CRB1: variants seen among roughly 807,000 people sequenced by gnomAD.
The protein encoded by CRB1 is protein crumbs homolog 1.
CRB1 carries 83 observed loss-of-function variants against 120.0 expected under a neutral mutation model. The ratio of observed to expected loss-of-function variants is 0.69; its 90% CI spans 0.58 to 0.83. The LOEUF is 0.83. Ranked by LOEUF, CRB1 falls within the 40% of genes least tolerant of loss-of-function variation. CRB1 has a pLI of 0.00. For synonymous variants in CRB1, 625 were observed against 612.5 expected (o/e 1.02, Z -0.30); for missense variants, 1,699 against 1,687.6 (o/e 1.01, Z -0.12).
At chr1:197,342,911 T>C (rs1020828110) in intron 2 of CRB1, among the ~76,000 whole-genome samples, 1 of 152,234 alleles carries the variant, frequency 6.6e-6, no homozygotes, top group East Asian at 1.9e-4. Flanking sequence ...ATGACCTTAG[T>C]TATGCCAAGT....
chr1:197,358,948 A>C (rs1232332074), intron 5 of CRB1, among the ~76,000 whole-genome samples: 1 of 152,156 alleles, frequency 6.6e-6, no homozygotes, highest in Non-Finnish European at 1.5e-5. Context: ...GGGGATACGA[A>C]CCTAGATCTT....
intron 4 of CRB1, among the ~76,000 whole-genome samples, chr1:197,355,754 C>G (rs972025038): frequency 3.9e-5 from 6 of 152,152 alleles, no homozygotes; most frequent in Non-Finnish European, 8.8e-5. Flanking sequence ...CGTGCAGCCT[C>G]GGTTCCCACA....
chr1:197,452,589 T>A (rs1571594064), intron 11 of CRB1, among the ~76,000 whole-genome samples: 1 of 152,118 alleles, frequency 6.6e-6, no homozygotes, highest in Non-Finnish European at 1.5e-5. Flanking sequence ...ATAATGCCCA[T>A]CTTATAGACG....
At chr1:197,226,791 A>T in the CRB1 span, among the ~76,000 whole-genome samples, 1 of 152,230 alleles carries the variant, frequency 6.6e-6, no homozygotes, top group Non-Finnish European at 1.5e-5. Context: ...AATTGGACTT[A>T]CAGTTCCACA....
At chr1:197,361,044 T>G (rs554108950) in intron 5 of CRB1, among the ~76,000 whole-genome samples, 1 of 152,224 alleles carries the variant, frequency 6.6e-6, no homozygotes, top group Non-Finnish European at 1.5e-5. Flanking sequence ...CCTATTGATG[T>G]GGTAGATTGC....
At chr1:197,343,657 A>G (rs563840918) in intron 2 of CRB1, among the ~76,000 whole-genome samples, 1 of 152,338 alleles carries the variant, frequency 6.6e-6, no homozygotes, top group Admixed American at 6.5e-5. Flanking sequence ...TTATATTTGT[A>G]CAATAGATTT....
intron 1 of CRB1, among the ~76,000 whole-genome samples, chr1:197,308,726 A>T (rs1371239722): frequency 6.6e-6 from 1 of 151,868 alleles, no homozygotes; most frequent in Non-Finnish European, 1.5e-5. Context: ...GGTCCTTAAT[A>T]AATATGAACT....
At chr1:197,295,458 C>CT (rs1191996745) in intron 1 of CRB1, among the ~76,000 whole-genome samples, 4 of 151,950 alleles carry the variant, frequency 2.6e-5, no homozygotes, top group Non-Finnish European at 5.9e-5. Context: ...TAACTTGGGG[C>CT]TTTGTCTTGT....
At chr1:197,227,864 C>A in the CRB1 span, among the ~76,000 whole-genome samples, 1 of 152,234 alleles carries the variant, frequency 6.6e-6, no homozygotes, top group African/African-American at 2.4e-5. Flanking sequence ...TTCCGTACAT[C>A]TTCTGAAATC....
intron 1 of CRB1, among the ~76,000 whole-genome samples, chr1:197,325,604 G>A (rs755533916): frequency 2.9e-4 from 44 of 151,354 alleles, no homozygotes; most frequent in Non-Finnish European, 6.2e-4. Context: ...TTCAAATAAC[G>A]CCAACCATAT....
At chr1:197,389,261 C>T (rs118157098) in intron 5 of CRB1, among the ~76,000 whole-genome samples, 2 of 152,236 alleles carry the variant, frequency 1.3e-5, no homozygotes, top group East Asian at 3.9e-4. Context: ...AAAAGCAACT[C>T]ATGTCCATCA....
At chr1:197,454,165 G>T (rs1372592747) in intron 11 of CRB1, among the ~76,000 whole-genome samples, 1 of 151,236 alleles carries the variant, frequency 6.6e-6, no homozygotes, top group Non-Finnish European at 1.5e-5. Context: ...AAGTTTTAAA[G>T]AACAGCTGTA....
rs748995167 is a variant in CRB1, at chr1:197,347,424, C to T, written c.933C>T (p.His311=). The change falls in exon 4 of 12, where the codon CAC becomes CAT. Residue 311 remains histidine (H), a synonymous_variant. Transcript: ENST00000367400. ...LMPLCWSKPC[H]NNATCEDSVD... Reference sequence around the variant, plus strand: ...CTCTTTGTTGGTCAAAACCTTGTCACAATAATGCTACATGTGAGGACAGTG... The same window carrying T: ...CTCTTTGTTGGTCAAAACCTTGTCATAATAATGCTACATGTGAGGACAGTG... 5 of 1,614,128 alleles carry T rather than the reference C, an allele frequency of 3.1e-6. No homozygotes were observed. Among genetic ancestry groups the T allele is most frequent in the Non-Finnish European group, 4.2e-6 (5 of 1,179,976 alleles).
At position 197,356,865 on chromosome 1, in the gene CRB1, T is replaced by A. The variant is rs1064797127; in HGVS notation, c.1023T>A (p.Asn341Lys). The change falls in exon 5 of 12, where the codon AAT (asparagine) becomes AAA (lysine). Residue 341 changes from asparagine (N) to lysine (K), a missense_variant. Coordinates refer to ENST00000367400, the MANE Select transcript of CRB1 (RefSeq NM_201253.3). ...GTGCCCAGTGTGAGATCGACCTCAA[T>A]GAATGCAATAGTAACCCCTGCCAGT... is the stretch of plus-strand genomic sequence containing the variant. ...YTGAQCEIDL[N>K]ECNSNPCQSN... 1.2e-6 allele frequency: 2 copies of A among 1,614,202 alleles called. No homozygotes were observed. Among genetic ancestry groups the A allele is most frequent in the Non-Finnish European group, 1.7e-6 (2 of 1,180,030 alleles).
intron 5 of CRB1, among the ~76,000 whole-genome samples, chr1:197,406,592 A>T (rs1484215085): frequency 6.6e-6 from 1 of 152,202 alleles, no homozygotes; most frequent in Admixed American, 6.5e-5. Flanking sequence ...AATAAATAAA[A>T]AATAATGTGC....
At chr1:197,382,565 A>T (rs901362291) in intron 5 of CRB1, among the ~76,000 whole-genome samples, 1 of 152,218 alleles carries the variant, frequency 6.6e-6, no homozygotes, top group African/African-American at 2.4e-5. Context: ...TTTTTCAAAG[A>T]AACATCTGGG....
chr1:197,352,371 G>C (rs1315096886), intron 4 of CRB1, among the ~76,000 whole-genome samples: 1 of 151,902 alleles, frequency 6.6e-6, no homozygotes, highest in Non-Finnish European at 1.5e-5. Context: ...GCATGAGCCA[G>C]AAAAGCAAAA....
intron 5 of CRB1, among the ~76,000 whole-genome samples, chr1:197,385,505 T>C (rs986176870): frequency 6.6e-6 from 1 of 152,152 alleles, no homozygotes; most frequent in African/African-American, 2.4e-5. Flanking sequence ...CTCCTCATAC[T>C]TCTCCTCCTG....
the CRB1 span, among the ~76,000 whole-genome samples, chr1:197,252,412 A>G: frequency 6.7e-6 from 1 of 149,716 alleles, no homozygotes; most frequent in South Asian, 2.1e-4. Flanking sequence ...TATAATCCCT[A>G]TTATTCTAGT....
Sources: allele counts gnomAD v4.1 joint callset (sites outside exome capture counted in the v4.1 genomes callset), GRCh38; gene constraint gnomAD v4.1.1; transcripts MANE v1.5; gene names NCBI Gene and HGNC (gene_info 2026-07-23, HGNC 2026-07-21).